PUDP: variants seen among roughly 807,000 people sequenced by gnomAD.
PUDP encodes the protein pseudouridine-5'-phosphatase.
Under a neutral mutation model 9.4 loss-of-function variants are expected in PUDP, and 8 were observed. That is an observed-to-expected ratio of 0.85 (90% confidence interval 0.50 to 1.53). PUDP has a LOEUF of 1.53. PUDP is among the 40% of genes most tolerant of loss of function. PUDP has a pLI of 0.00. For missense variants in PUDP, 188 were observed against 189.7 expected (o/e 0.99, Z 0.05); for synonymous variants, 99 against 80.7 (o/e 1.23, Z -1.22).
At chrX:6,812,468 G>T (rs1926159697) in intron 3 of PUDP, among the ~76,000 whole-genome samples, 1 of 111,914 alleles carries the variant, frequency 8.9e-6, no homozygotes. Context: ...ATGGTTCTCA[G>T]GTAGTTTCTC....
chrX:6,999,409 A>AAACACCTC (rs999588990), intron 1 of PUDP, among the ~76,000 whole-genome samples: 3 of 112,316 alleles, frequency 2.7e-5, no homozygotes, highest in African/African-American at 9.7e-5. Flanking sequence ...TAAGAAGAAG[A>AAACACCTC]AACACCTCAA....
At chrX:6,726,209 C>T (rs758151883), upstream of PUDP, among the ~76,000 whole-genome samples, 2 of 111,370 alleles carry the variant, frequency 1.8e-5, no homozygotes, top group South Asian at 7.6e-4. Context: ...CCGTGTGTCC[C>T]AACATGGCCT....
At chrX:7,055,232 A>G (rs1425766028) in intron 3 of PUDP, among the ~76,000 whole-genome samples, 1 of 111,022 alleles carries the variant, frequency 9.0e-6, no homozygotes, top group Non-Finnish European at 1.9e-5. Flanking sequence ...AAATGTCCCA[A>G]AAGGTTTATT....
chrX:7,101,349 G>C (rs763411099), intron 2 of PUDP, among the ~76,000 whole-genome samples: 1 of 111,730 alleles, frequency 9.0e-6, no homozygotes, highest in Non-Finnish European at 1.9e-5. Context: ...GAGCCATCTA[G>C]ATAAGTTCTA....
intron 3 of PUDP, among the ~76,000 whole-genome samples, chrX:6,761,110 A>G (rs1022007077): frequency 8.0e-5 from 9 of 111,825 alleles, no homozygotes; most frequent in African/African-American, 2.9e-4. Context: ...ACCCCATAGC[A>G]TTGTTTAGAT....
chrX:6,985,653 G>T (rs767404859), intron 1 of PUDP, among the ~76,000 whole-genome samples: 1 of 111,038 alleles, frequency 9.0e-6, no homozygotes, highest in African/African-American at 3.3e-5. Flanking sequence ...TTCACCACTC[G>T]GTCAGTGCTG....
intron 1 of PUDP, among the ~76,000 whole-genome samples, chrX:7,042,660 G>A (rs72609591): frequency 3.6e-5 from 1 of 27,520 alleles, no homozygotes; most frequent in Admixed American, 4.2e-4. Flanking sequence ...TTCATTTTTT[G>A]GGGGGGGTAG....
intron 2 of PUDP, among the ~76,000 whole-genome samples, chrX:7,089,928 T>C (rs1172400908): frequency 8.9e-6 from 1 of 111,884 alleles, no homozygotes; most frequent in Non-Finnish European, 1.9e-5. Flanking sequence ...AATTTTGTAA[T>C]GCAGGAAATC....
At position 6,879,608 on chromosome X, in the gene PUDP, G is replaced by C. The variant is rs1403683941; in HGVS notation, c.*247+97525C>G. ...TTCTCATTTGTGAAGCAGGTTCACT[G>C]TGCACTGATGACCCACTTGTCTGCA... On this transcript the variant is annotated intron_variant and NMD_transcript_variant, in intron 3 of 3. Coordinates refer to the PUDP transcript ENST00000655425. 9.8e-5 allele frequency among the ~76,000 whole-genome samples: 11 copies of C among 111,877 alleles called. No individual in the cohort carries two copies. In the Admixed American group the frequency reaches 1.0e-3, roughly 11 times the overall value.
chrX:7,050,090 C>G lies in PUDP; in HGVS notation c.*206G>C. 3 of 401,236 alleles carry G rather than the reference C, an allele frequency of 7.5e-6. No individual in the cohort carries two copies. Among genetic ancestry groups the G allele is most frequent in the African/African-American group, 2.5e-5 (1 of 39,920 alleles). 33.1% of individuals were successfully genotyped at this position (401,236 alleles called of 1,213,427 possible). The stretch of plus-strand genomic sequence containing the variant: ...TTTGTTCTGGGCTTCGTTTCTGTCT[C>G]TACTGTATTTTTTGTCTCAACCGTC... On this transcript the variant is annotated 3_prime_UTR_variant, in exon 4 of 4. Coordinates refer to ENST00000381077, the MANE Select transcript of PUDP (RefSeq NM_012080.5).
intron 3 of PUDP, among the ~76,000 whole-genome samples, chrX:6,727,858 A>G (rs977011943): frequency 1.8e-5 from 2 of 111,579 alleles, no homozygotes; most frequent in Non-Finnish European, 3.8e-5. Flanking sequence ...TATCGATGTC[A>G]CTGTGAAACC....
chrX:6,952,201 G>A (rs1928567845), intron 3 of PUDP, among the ~76,000 whole-genome samples: 2 of 112,033 alleles, frequency 1.8e-5, no homozygotes, highest in African/African-American at 3.2e-5. Flanking sequence ...GTCCACAGTG[G>A]ATTAGGAACA....
At chrX:6,984,018 C>T (rs1929072342) in intron 1 of PUDP, among the ~76,000 whole-genome samples, 1 of 112,405 alleles carries the variant, frequency 8.9e-6, no homozygotes. Context: ...TTTGTGTGTG[C>T]ATTTTGTCCA....
At chrX:6,751,682 C>G (rs952151560) in intron 3 of PUDP, among the ~76,000 whole-genome samples, 1 of 111,617 alleles carries the variant, frequency 9.0e-6, no homozygotes, top group Non-Finnish European at 1.9e-5. Context: ...AAATATAAAA[C>G]TCATTATCGG....
At chrX:6,817,851 AG>A (rs1200090943) in intron 3 of PUDP, among the ~76,000 whole-genome samples, 1 of 111,311 alleles carries the variant, frequency 9.0e-6, no homozygotes, top group Admixed American at 9.6e-5. Context: ...TAAAACCAAA[AG>A]GGATGCCTTT....
chrX:6,952,688 C>T (rs1053715204), intron 3 of PUDP, among the ~76,000 whole-genome samples: 5 of 110,889 alleles, frequency 4.5e-5, no homozygotes, highest in Middle Eastern at 9.3e-3. Flanking sequence ...AGGGTGGAGC[C>T]CTCATGAATG....
At chrX:7,131,618 T>C (rs371049202) in intron 1 of PUDP, among the ~76,000 whole-genome samples, 75 of 109,792 alleles carry the variant, frequency 6.8e-4, no homozygotes, top group African/African-American at 2.5e-3. Context: ...TCCTGTTGTT[T>C]TAGGCCCCCC....
intron 1 of PUDP, among the ~76,000 whole-genome samples, chrX:6,720,150 GTGTGTATATATA>G (rs1187459737): frequency 7.9e-5 from 8 of 101,277 alleles, no homozygotes; most frequent in East Asian, 6.2e-4. Context: ...GTATATATAT[GTGTGTATATATA>G]TGTGTATATA....
intron 3 of PUDP, among the ~76,000 whole-genome samples, chrX:6,763,532 C>T (rs1335520474): frequency 2.7e-5 from 3 of 111,750 alleles, no homozygotes; most frequent in East Asian, 2.8e-4. Context: ...TCAGAGAGAA[C>T]GTCGGTCCCT....
Sources: allele counts gnomAD v4.1 joint callset (sites outside exome capture counted in the v4.1 genomes callset), GRCh38; gene constraint gnomAD v4.1.1; transcripts MANE v1.5; gene names NCBI Gene and HGNC (gene_info 2026-07-23, HGNC 2026-07-21).